ASTN2: variants seen among roughly 807,000 people sequenced by gnomAD.
ASTN2 encodes the protein astrotactin 2.
In ASTN2, 54 loss-of-function variants were observed where a neutral mutation model predicts 139.8. The observed-to-expected ratio is 0.39, with a 90% confidence interval of 0.31 to 0.48. The LOEUF is 0.48. Ranked by LOEUF, ASTN2 falls within the 20% of genes least tolerant of loss-of-function variation. The probability of loss-of-function intolerance (pLI) is 0.95; values close to 1 mark genes in which losing one functional copy is unlikely to be tolerated. For missense variants in ASTN2, 1,565 were observed against 1,725.1 expected, an observed-to-expected ratio of 0.91 and a Z score of 1.64; for synonymous variants, 756 against 719.5, an observed-to-expected ratio of 1.05 and a Z score of -0.81.
At chr9:117,143,343 A>T (rs745581811) in intron 3 of ASTN2, among the ~76,000 whole-genome samples, 5 of 152,232 alleles carry the variant, frequency 3.3e-5, no homozygotes, top group Admixed American at 6.5e-5. Context: ...TATAGCCTGC[A>T]GTATGACTCT....
chr9:116,993,367 C>T (rs1368834944), intron 7 of ASTN2, among the ~76,000 whole-genome samples: 2 of 152,036 alleles, frequency 1.3e-5, no homozygotes, highest in Non-Finnish European at 2.9e-5. Flanking sequence ...ATGCTTTGCT[C>T]CCACACCTTT....
At chr9:116,960,104 C>G (rs1835834104) in intron 10 of ASTN2, among the ~76,000 whole-genome samples, 1 of 152,148 alleles carries the variant, frequency 6.6e-6, no homozygotes, top group South Asian at 2.1e-4. Context: ...CAGGGTGTCT[C>G]TGGCTCACTT....
chr9:116,482,406 C>T (rs1054721902), intron 20 of ASTN2, among the ~76,000 whole-genome samples: 1 of 152,082 alleles, frequency 6.6e-6, no homozygotes, highest in Non-Finnish European at 1.5e-5. Context: ...GTACACATAC[C>T]TTAGAATGGT....
chr9:116,532,138 G>T (rs1033227444), intron 19 of ASTN2, among the ~76,000 whole-genome samples: 2 of 152,202 alleles, frequency 1.3e-5, no homozygotes, highest in Non-Finnish European at 2.9e-5. Context: ...ATTTTTGCAT[G>T]TGTCTTTTGG....
chr9:117,399,549 T>C (rs530100945), intron 1 of ASTN2, among the ~76,000 whole-genome samples: 9 of 152,330 alleles, frequency 5.9e-5, no homozygotes, highest in African/African-American at 2.2e-4. Flanking sequence ...TTTTGCAGGC[T>C]ATCTTCCATT....
intron 19 of ASTN2, among the ~76,000 whole-genome samples, chr9:116,578,049 G>A (rs934565227): frequency 2.0e-5 from 3 of 152,140 alleles, no homozygotes; most frequent in African/African-American, 7.2e-5. Flanking sequence ...AGATAATTAT[G>A]AAGGGCTTTA....
intron 2 of ASTN2, among the ~76,000 whole-genome samples, chr9:117,262,603 T>C (rs1833851027): frequency 1.3e-5 from 2 of 152,054 alleles, no homozygotes; most frequent in Admixed American, 6.6e-5. Context: ...CAGTGAACTT[T>C]TTAGGGTTTG....
chr9:117,088,129 A>G (rs1828614964), intron 5 of ASTN2, among the ~76,000 whole-genome samples: 1 of 152,174 alleles, frequency 6.6e-6, no homozygotes, highest in Admixed American at 6.5e-5. Flanking sequence ...GTGAAACGGA[A>G]CCTTGTTGCT....
intron 10 of ASTN2, among the ~76,000 whole-genome samples, chr9:116,885,993 G>T (rs1354158963): frequency 6.6e-6 from 1 of 152,198 alleles, no homozygotes; most frequent in Admixed American, 6.5e-5. Flanking sequence ...ATGTCAAAGG[G>T]GCAGGTGGGC....
At chr9:116,432,065 T>C (rs1847515929) in intron 22 of ASTN2, among the ~76,000 whole-genome samples, 1 of 152,224 alleles carries the variant, frequency 6.6e-6, no homozygotes, top group African/African-American at 2.4e-5. Flanking sequence ...CATTGTTTAT[T>C]TGTTTTTAAT....
intron 16 of ASTN2, among the ~76,000 whole-genome samples, chr9:116,670,185 T>C (rs1167109014): frequency 6.6e-6 from 1 of 152,184 alleles, no homozygotes; most frequent in Non-Finnish European, 1.5e-5. Flanking sequence ...AAACCTTGAT[T>C]GTATTAAGCC....
At chr9:117,178,408 T>G (rs1434791307) in intron 3 of ASTN2, among the ~76,000 whole-genome samples, 1 of 152,122 alleles carries the variant, frequency 6.6e-6, no homozygotes, top group Admixed American at 6.5e-5. Flanking sequence ...ATGATAACTT[T>G]TGGATACTGT....
chr9:117,085,705 C>G (rs915814998), intron 5 of ASTN2, among the ~76,000 whole-genome samples: 22 of 152,150 alleles, frequency 1.4e-4, no homozygotes, highest in Admixed American at 9.2e-4. Context: ...GCTACCTTTC[C>G]CCAACATCTC....
At chr9:116,841,943 G>C (rs1416220442) in intron 11 of ASTN2, among the ~76,000 whole-genome samples, 2 of 152,196 alleles carry the variant, frequency 1.3e-5, no homozygotes, top group African/African-American at 4.8e-5. Flanking sequence ...CTAAAACTCA[G>C]AGGTCAGGTG....
intron 19 of ASTN2, among the ~76,000 whole-genome samples, chr9:116,576,618 T>G: frequency 6.6e-6 from 1 of 152,124 alleles, no homozygotes; most frequent in Non-Finnish European, 1.5e-5. Context: ...TACAGCACAC[T>G]AGCAAGAACG....
chr9:117,212,443 A>G (rs1395124170), intron 3 of ASTN2, among the ~76,000 whole-genome samples: 1 of 152,182 alleles, frequency 6.6e-6, no homozygotes, highest in Non-Finnish European at 1.5e-5. Context: ...GCTCCTGCAC[A>G]GCAAAGGAAA....
In ASTN2 at chr9:117,166,270, G is replaced by A. The variant is rs147390218; in HGVS notation, c.1016-24792C>T. Among the ~76,000 whole-genome samples, 51 of 152,154 alleles carry A rather than the reference G, an allele frequency of 3.4e-4. No individual in the cohort carries two copies. In the East Asian group the frequency reaches 9.9e-3, roughly 30 times the overall value. ...GCAGGTATGGAGTCTGAAGGGTCAGGTCACAAAGGAGAGCCCAGCAAATCC... is the reference window on the plus strand; with the variant it reads ...GCAGGTATGGAGTCTGAAGGGTCAGATCACAAAGGAGAGCCCAGCAAATCC... On this transcript the variant is annotated intron_variant, in intron 3 of 22. Coordinates refer to ENST00000313400, the MANE Select transcript of ASTN2 (RefSeq NM_001365068.1).
At chr9:116,813,200 G>T (rs1831214543) in intron 12 of ASTN2, among the ~76,000 whole-genome samples, 1 of 152,100 alleles carries the variant, frequency 6.6e-6, no homozygotes, top group Non-Finnish European at 1.5e-5. Context: ...TAAGTGCAGA[G>T]ATACATACCG....
In ASTN2 at chr9:117,134,319, C is replaced by A. The variant is rs903584603; in HGVS notation, c.1168+7007G>T. On this transcript the variant is annotated intron_variant, in intron 4 of 22. Transcript: ENST00000313400. The stretch of plus-strand genomic sequence containing the variant: ...ATACACACACACACACACACACACA[C>A]ACACACACACACACACACACGCCTG... Among the ~76,000 whole-genome samples the A allele has an allele frequency of 8.1e-3, 1,193 of 147,822 alleles. 20 individuals carry two copies. Among genetic ancestry groups the A allele is most frequent in the Non-Finnish European group, 0.012 (818 of 67,158 alleles).
Sources: gnomAD v4.1 joint callset for allele counts (sites outside exome capture counted in the v4.1 genomes callset) on GRCh38, gnomAD v4.1.1 for gene constraint, MANE v1.5 for transcripts, NCBI Gene and HGNC (gene_info 2026-07-23, HGNC 2026-07-21) for gene names.